The following USH2A variants were observed in gnomAD, a reference collection of about 807,000 sequenced individuals.
USH2A encodes the protein usherin.
Under a neutral mutation model 538.9 loss-of-function variants are expected in USH2A, and 443 were observed. The observed-to-expected ratio is 0.82, with a 90% CI of 0.76 to 0.89. USH2A has a LOEUF of 0.89. Among genes scored for constraint, USH2A ranks in the 40% least tolerant of loss-of-function variants. The pLI is 0.00. For synonymous variants in USH2A, 2,413 were observed against 2,273.5 expected, an observed-to-expected ratio of 1.06 and a Z score of -1.75; for missense variants, 6,633 against 6,324.8, an observed-to-expected ratio of 1.05 and a Z score of -1.65.
intron 32 of USH2A, among the ~76,000 whole-genome samples, chr1:216,010,828 T>C (rs1327740878): frequency 3.3e-5 from 5 of 151,910 alleles, no homozygotes; most frequent in African/African-American, 9.7e-5. Context: ...ATCTCATTGC[T>C]GCCCCTCTTC....
At position 215,846,017 on chromosome 1, in the gene USH2A, T is replaced by C. The variant is rs779274537; in HGVS notation, c.8862A>G (p.Gln2954=). ...AAAGTGTGTAATATTCAACTTCACC[T>C]TGTAGGTCTTGAACAGCTGTCAACA... The part of the protein sequence containing the change: ...RWAKPTVQDL[Q]GEVEYYTLFW... Residue 2954 remains glutamine, a synonymous_variant, in exon 45 of 72, where the codon CAA becomes CAG. Coordinates refer to ENST00000307340, the MANE Select transcript of USH2A (RefSeq NM_206933.4). The C allele has an allele frequency of 6.2e-7, 1 of 1,606,120 alleles. No homozygotes were observed. Among genetic ancestry groups the C allele is most frequent in the African/African-American group, 1.3e-5 (1 of 74,408 alleles).
At chr1:215,855,111 A>G (rs931079264) in intron 44 of USH2A, among the ~76,000 whole-genome samples, 1 of 152,178 alleles carries the variant, frequency 6.6e-6, no homozygotes, top group Non-Finnish European at 1.5e-5. Context: ...TATCAATAGT[A>G]TGTAAATCCT....
intron 37 of USH2A, among the ~76,000 whole-genome samples, chr1:215,939,070 A>G (rs896597120): frequency 6.6e-6 from 1 of 152,204 alleles, no homozygotes; most frequent in Non-Finnish European, 1.5e-5. Flanking sequence ...TTGTTCTACA[A>G]GAAAATTTAA....
chr1:216,272,228 A>G (rs1175885728), intron 11 of USH2A, among the ~76,000 whole-genome samples: 1 of 152,038 alleles, frequency 6.6e-6, no homozygotes, highest in Non-Finnish European at 1.5e-5. Flanking sequence ...TTTTGTGTTC[A>G]TTTGTTCATT....
intron 12 of USH2A, among the ~76,000 whole-genome samples, chr1:216,250,572 C>T (rs2036139183): frequency 6.6e-6 from 1 of 152,076 alleles, no homozygotes; most frequent in African/African-American, 2.4e-5. Context: ...AAGTGTAAAA[C>T]ATTTTGAAAA....
chr1:215,791,538 A>G (rs373989081), intron 50 of USH2A, among the ~76,000 whole-genome samples: 1 of 152,216 alleles, frequency 6.6e-6, no homozygotes, highest in South Asian at 2.1e-4. Context: ...TTTACTTACA[A>G]AAGTCTCTAA....
At chr1:216,116,612 C>T (rs144682699) in intron 21 of USH2A, among the ~76,000 whole-genome samples, 1,647 of 152,030 alleles carry the variant, frequency 0.011, 35 homozygotes, top group African/African-American at 0.037. Flanking sequence ...AATTAGAGTC[C>T]CAGAAATGGA....
chr1:215,702,542 T>G (rs1340563094), intron 61 of USH2A, among the ~76,000 whole-genome samples: 1 of 151,960 alleles, frequency 6.6e-6, no homozygotes, highest in Non-Finnish European at 1.5e-5. Context: ...TTCTCTAATC[T>G]TCTTGCACTG....
At chr1:216,052,501 C>A (rs2102530450) in intron 30 of USH2A, among the ~76,000 whole-genome samples, 1 of 152,224 alleles carries the variant, frequency 6.6e-6, no homozygotes, top group African/African-American at 2.4e-5. Context: ...GGCTGGAGTG[C>A]CATTTCTTTT....
At chr1:216,214,456 ATGT>A (rs2102491994) in intron 15 of USH2A, among the ~76,000 whole-genome samples, 1 of 152,182 alleles carries the variant, frequency 6.6e-6, no homozygotes, top group South Asian at 2.1e-4. Flanking sequence ...AAAAGTCTAA[ATGT>A]TGTATAATTT....
At chr1:216,257,215 G>A (rs1219093486) in intron 11 of USH2A, among the ~76,000 whole-genome samples, 3 of 151,336 alleles carry the variant, frequency 2.0e-5, no homozygotes, top group African/African-American at 7.3e-5. Flanking sequence ...TATAGTATAG[G>A]TTTCTGTGTG....
At chr1:215,746,935 TG>T (rs1660489407) in intron 58 of USH2A, among the ~76,000 whole-genome samples, 1 of 152,162 alleles carries the variant, frequency 6.6e-6, no homozygotes, top group Non-Finnish European at 1.5e-5. Context: ...CCCGTTTCTT[TG>T]TTCACAAAAA....
chr1:216,145,975 C>T (rs1471816680), intron 21 of USH2A, among the ~76,000 whole-genome samples: 1 of 152,206 alleles, frequency 6.6e-6, no homozygotes, highest in Non-Finnish European at 1.5e-5. Context: ...CTCAGCCCAC[C>T]TGCACCCAGG....
At chr1:215,862,442 A>G (rs570890573) in intron 44 of USH2A, among the ~76,000 whole-genome samples, 2 of 152,270 alleles carry the variant, frequency 1.3e-5, no homozygotes, top group South Asian at 2.1e-4. Flanking sequence ...GAGGGATAGC[A>G]TTAGGAGATA....
chr1:216,092,762 T>G lies in USH2A; in HGVS notation c.4759-3623A>C, dbSNP rs181843305. ...GAGAGCCTCATGGCCCGTGAGCACA[T>G]AGTGTAATGCATCTGATTACATTTT... On this transcript the variant is annotated intron_variant, in intron 22 of 71. Coordinates refer to ENST00000307340, the MANE Select transcript of USH2A (RefSeq NM_206933.4). Among the ~76,000 whole-genome samples the G allele has an allele frequency of 1.4e-4, 22 of 152,260 alleles. No individual in the cohort carries two copies. In the East Asian group the frequency reaches 4.1e-3, roughly 28 times the overall value.
At chr1:215,731,824 A>G (rs1660002592) in intron 60 of USH2A, among the ~76,000 whole-genome samples, 1 of 152,208 alleles carries the variant, frequency 6.6e-6, no homozygotes, top group Admixed American at 6.5e-5. Flanking sequence ...TCCATGAAGA[A>G]TATTACAAAT....
chr1:216,381,438 G>A (rs1321574922), intron 3 of USH2A, among the ~76,000 whole-genome samples: 2 of 152,010 alleles, frequency 1.3e-5, no homozygotes, highest in Non-Finnish European at 2.9e-5. Context: ...GGAGAGGAAG[G>A]AGGTAATCAC....
Position 215,900,170 on chromosome 1 carries a change from A to C in USH2A, c.7499T>G (p.Leu2500Arg). Residue 2500 changes from leucine (L) to arginine (R), a missense_variant, in exon 40 of 72, where the codon CTC (leucine) becomes CGC (arginine). Physicochemically the swap from Leu to Arg is moderately radical, Grantham distance 102 (BLOSUM62 -2). Transcript: ENST00000307340. ...AAACATATACTCTGTGTACGGTTGG[A>C]GATCACTCACTTCATAGCTTAACGA... ...SASLSYEVSD[L>R]QPYTEYMFRL... 1.9e-6 allele frequency: 3 copies of C among 1,613,722 alleles called. No individual in the cohort carries two copies. Among genetic ancestry groups the C allele is most frequent in the Non-Finnish European group, 2.5e-6 (3 of 1,179,746 alleles).
At chr1:216,216,175 A>G (rs563759794) in intron 15 of USH2A, among the ~76,000 whole-genome samples, 52 of 152,272 alleles carry the variant, frequency 3.4e-4, no homozygotes, top group South Asian at 1.9e-3. Flanking sequence ...TAAGTGGCCA[A>G]TGAAGTCCAG....
Sources: allele counts gnomAD v4.1 joint callset (sites outside exome capture counted in the v4.1 genomes callset), GRCh38; gene constraint gnomAD v4.1.1; transcripts MANE v1.5; gene names NCBI Gene and HGNC (gene_info 2026-07-23, HGNC 2026-07-21).